ITGB5: variants seen among roughly 807,000 people sequenced by gnomAD.
The protein encoded by ITGB5 is integrin subunit beta 5.
Under a neutral mutation model 84.8 loss-of-function variants are expected in ITGB5, and 38 were observed. The ratio of observed to expected loss-of-function variants is 0.45; its 90% CI spans 0.35 to 0.59. The LOEUF is 0.59. Ranked by LOEUF, ITGB5 falls within the 20% of genes least tolerant of loss-of-function variation. The pLI, the probability that ITGB5 is intolerant of heterozygous loss-of-function variation, is 0.01. For synonymous variants in ITGB5, 393 were observed against 414.4 expected, an observed-to-expected ratio of 0.95 and a Z score of 0.63; for missense variants, 905 against 1,034.5, an observed-to-expected ratio of 0.87 and a Z score of 1.72.
intron 7 of ITGB5, among the ~76,000 whole-genome samples, chr3:124,817,985 C>T (rs866609764): frequency 2.0e-5 from 3 of 152,102 alleles, no homozygotes; most frequent in Non-Finnish European, 4.4e-5. Flanking sequence ...CTTGAGACCC[C>T]GCCCCTCCCA....
At chr3:124,875,963 A>G (rs1934290704) in intron 1 of ITGB5, among the ~76,000 whole-genome samples, 1 of 152,196 alleles carries the variant, frequency 6.6e-6, no homozygotes, top group Admixed American at 6.5e-5. Flanking sequence ...TACGGAGAGT[A>G]AAATGGTGGT....
At chr3:124,778,838 C>T (rs556802203) in intron 10 of ITGB5, among the ~76,000 whole-genome samples, 4 of 152,084 alleles carry the variant, frequency 2.6e-5, no homozygotes, top group South Asian at 4.2e-4. Flanking sequence ...GGGCTGAGGG[C>T]GAGGGTGTGG....
At chr3:124,776,228 C>T (rs966964184) in intron 10 of ITGB5, among the ~76,000 whole-genome samples, 5 of 152,162 alleles carry the variant, frequency 3.3e-5, no homozygotes, top group Admixed American at 2.0e-4. Flanking sequence ...AGGGAGAGGG[C>T]GGTCCTGCCC....
chr3:124,860,695 A>G (rs1378220603), intron 2 of ITGB5, among the ~76,000 whole-genome samples: 2 of 152,232 alleles, frequency 1.3e-5, no homozygotes, highest in Admixed American at 6.5e-5. Flanking sequence ...ATGCTGTCCT[A>G]TGAGTCTTTC....
At chr3:124,866,842 C>T (rs2065398882) in intron 2 of ITGB5, among the ~76,000 whole-genome samples, 1 of 152,162 alleles carries the variant, frequency 6.6e-6, no homozygotes, top group African/African-American at 2.4e-5. Flanking sequence ...ATACTCCCTG[C>T]CTGGGGGATG....
intron 10 of ITGB5, among the ~76,000 whole-genome samples, chr3:124,783,518 G>C (rs747680909): frequency 2.0e-5 from 3 of 152,180 alleles, no homozygotes; most frequent in Non-Finnish European, 4.4e-5. Context: ...GGTGTCAGGC[G>C]TGTAGAAGAT....
intron 1 of ITGB5, among the ~76,000 whole-genome samples, chr3:124,892,961 C>A (rs953448415): frequency 6.6e-6 from 1 of 152,014 alleles, no homozygotes; most frequent in African/African-American, 2.4e-5. Flanking sequence ...TACAGTATAC[C>A]CCTTAGTTTA....
chr3:124,888,062 C>T (rs911414874), upstream of ITGB5, among the ~76,000 whole-genome samples: 2 of 151,666 alleles, frequency 1.3e-5, no homozygotes, highest in African/African-American at 4.8e-5. Flanking sequence ...ACTACAGGCG[C>T]GCGCCACCAC....
chr3:124,870,689 G>A (rs1031146459), intron 2 of ITGB5, among the ~76,000 whole-genome samples: 1 of 147,252 alleles, frequency 6.8e-6, no homozygotes, highest in Non-Finnish European at 1.5e-5. Flanking sequence ...TCATGCCACT[G>A]CACTCCAACC....
intron 1 of ITGB5, among the ~76,000 whole-genome samples, chr3:124,896,763 A>AT (rs1553770151): frequency 0.013 from 1,864 of 145,138 alleles, 42 homozygotes; most frequent in South Asian, 0.068. Context: ...AAAAAAAAAA[A>AT]GGGAGAAGAA....
In ITGB5 at chr3:124,798,522, C is replaced by T. The variant is rs539906001; in HGVS notation, c.1264-1705G>A. 3.9e-5 allele frequency among the ~76,000 whole-genome samples: 6 copies of T among 152,152 alleles called. No homozygotes were observed. In the South Asian group the frequency reaches 6.2e-4, roughly 16 times the overall value. The stretch of plus-strand genomic sequence containing the variant: ...GCAGCCTCTGCCTCCCAGGTGCAAG[C>T]GATTTTCCCATCTCAGCCTCTCAAA... On this transcript the variant is annotated intron_variant, in intron 9 of 14. Transcript: ENST00000296181.
At chr3:124,874,303 C>T (rs1579327931) in intron 1 of ITGB5, among the ~76,000 whole-genome samples, 1 of 66,868 alleles carries the variant, frequency 1.5e-5, no homozygotes, top group African/African-American at 5.5e-5. Flanking sequence ...GTCTCAAAAG[C>T]CGGAAAAAAA....
intron 11 of ITGB5, among the ~76,000 whole-genome samples, chr3:124,770,560 G>C (rs1237365539): frequency 6.6e-6 from 1 of 152,238 alleles, no homozygotes; most frequent in Non-Finnish European, 1.5e-5. Context: ...AAACTGCGAA[G>C]TGGAGGAGCA....
In ITGB5 at chr3:124,848,538, G is replaced by C. The variant is rs2065108759; in HGVS notation, c.382C>G (p.Leu128Val). 1 of 1,612,706 alleles carries C rather than the reference G, an allele frequency of 6.2e-7. No individual in the cohort carries two copies. Among genetic ancestry groups the C allele is most frequent in the African/African-American group, 1.3e-5 (1 of 74,910 alleles). Reference sequence around the variant, plus strand: ...TAGTCCTCCACCTGGCGAACCTGTAGCTGGAAGGTGGTCTTGTCACCTGCA... The same window carrying C: ...TAGTCCTCCACCTGGCGAACCTGTACCTGGAAGGTGGTCTTGTCACCTGCA... ...LRPGDKTTFQ[L>V]QVRQVEDYPV... Residue 128 changes from leucine (L) to valine (V), a missense_variant, in exon 4 of 15, where the codon CTA (leucine) becomes GTA (valine). This residue lies in a region of ITGB5 where 656 missense variants were observed against 734.7 expected (regional missense o/e 0.89). Transcript: ENST00000296181.
At position 124,796,507 on chromosome 3, in the gene ITGB5, C is replaced by A; in HGVS notation, c.1574G>T (p.Arg525Leu). 1 of 1,614,150 alleles carries A rather than the reference C, an allele frequency of 6.2e-7. No individual in the cohort carries two copies. Among genetic ancestry groups the A allele is most frequent in the Non-Finnish European group, 8.5e-7 (1 of 1,180,014 alleles). ...GCACTGGTTGCAGCTGCAGTCCCCA[C>A]GCCCGCTGCACAGTGGCTTGCCCTC... is the stretch of plus-strand genomic sequence containing the variant. ...EAEGKPLCSG[R>L]GDCSCNQCSC... is the part of the protein sequence containing the mutation. Residue 525 changes from arginine (R) to leucine (L), a missense_variant, in exon 10 of 15, where the codon CGT becomes CTT. Coordinates refer to ENST00000296181, the MANE Select transcript of ITGB5 (RefSeq NM_002213.5).
At chr3:124,888,317 A>G (rs559733435), upstream of ITGB5, among the ~76,000 whole-genome samples, 1 of 152,284 alleles carries the variant, frequency 6.6e-6, no homozygotes, top group Admixed American at 6.5e-5. Flanking sequence ...AGTTTCCATG[A>G]TCAAACTGAT....
intron 1 of ITGB5, among the ~76,000 whole-genome samples, chr3:124,884,519 G>A (rs561653645): frequency 1.3e-5 from 2 of 152,136 alleles, no homozygotes; most frequent in Non-Finnish European, 2.9e-5. Context: ...TGACCAACAT[G>A]GTGAAACCCT....
At position 124,763,782 on chromosome 3, in the gene ITGB5, C is replaced by T. The variant is rs140663373; in HGVS notation, c.2305-64G>A. The T allele has an allele frequency of 4.9e-4, 474 of 964,474 alleles. No homozygotes were observed. The African/African-American group carries it at 6.3e-3, about 13-fold the overall frequency. 59.7% of individuals were successfully genotyped at this position (964,474 alleles called of 1,614,324 possible). A position where few individuals can be genotyped will look rare whatever the true frequency, so the allele number is the denominator to read the frequency against. On this transcript the variant is annotated intron_variant, in intron 14 of 14. Transcript: ENST00000296181. The stretch of plus-strand genomic sequence containing the variant: ...TAGCTCACACACTCAAACCGACAGA[C>T]GCAGGCCCTAGGATCCCTTCCCAGG...
chr3:124,843,168 A>G (rs951938389), intron 4 of ITGB5, among the ~76,000 whole-genome samples: 3 of 152,164 alleles, frequency 2.0e-5, no homozygotes, highest in Non-Finnish European at 2.9e-5. Context: ...TTTTGTCATG[A>G]AAAGAACAAT....
Sources: allele counts gnomAD v4.1 joint callset (sites outside exome capture counted in the v4.1 genomes callset), GRCh38; gene constraint gnomAD v4.1.1; regional missense constraint gnomAD v4.1.1; transcripts MANE v1.5; gene names NCBI Gene and HGNC (gene_info 2026-07-23, HGNC 2026-07-21).